The following HHAT variants were observed in gnomAD, a reference collection of about 807,000 sequenced individuals.
HHAT encodes the protein hedgehog acyltransferase, also known as protein-cysteine N-palmitoyltransferase HHAT.
In HHAT, 47 loss-of-function variants were observed where a neutral mutation model predicts 70.8. The observed-to-expected ratio is 0.66, with a 90% CI of 0.53 to 0.85. HHAT has a LOEUF of 0.85. Among genes scored for constraint, HHAT ranks in the 40% least tolerant of loss-of-function variants. HHAT has a pLI of 0.00. For synonymous variants in HHAT, 228 were observed against 247.6 expected, an observed-to-expected ratio of 0.92 and a Z score of 0.74; for missense variants, 609 against 604.8, an observed-to-expected ratio of 1.01 and a Z score of -0.07.
At chr1:210,372,780 G>GT (rs56121731) in intron 3 of HHAT, among the ~76,000 whole-genome samples, 66,176 of 140,076 alleles carry the variant, frequency 0.47, 16,180 homozygotes, top group African/African-American at 0.62. Context: ...CAAGGGAGGT[G>GT]TTTTTTTTTT....
chr1:210,367,300 C>G (rs1389147174), intron 3 of HHAT, among the ~76,000 whole-genome samples: 1 of 152,188 alleles, frequency 6.6e-6, no homozygotes, highest in Non-Finnish European at 1.5e-5. Context: ...GGAGCAGAGT[C>G]AGTGAGTATT....
intron 11 of HHAT, among the ~76,000 whole-genome samples, chr1:210,667,849 T>C (rs1365265976): frequency 2.0e-5 from 3 of 152,214 alleles, no homozygotes; most frequent in Non-Finnish European, 2.9e-5. Context: ...AAATTTACCA[T>C]TTTAACCATT....
intron 7 of HHAT, chr1:210,462,267 C>T (rs1200062024): frequency 6.6e-6 from 1 of 152,194 alleles, no homozygotes. Context: ...TTCCATAGGT[C>T]CATTGATACC....
At chr1:210,415,530 T>TA (rs1287015986) in intron 6 of HHAT, among the ~76,000 whole-genome samples, 1 of 152,202 alleles carries the variant, frequency 6.6e-6, no homozygotes, top group Non-Finnish European at 1.5e-5. Flanking sequence ...CTGTGAACAC[T>TA]AACCAGATGA....
In HHAT at chr1:210,574,776, G is replaced by A. The variant is rs1475601998; in HGVS notation, c.1044-13122G>A. On this transcript the variant is annotated intron_variant, in intron 9 of 11. Transcript: ENST00000261458. ...ACCCAGATGAGGGATGAAATGCTTC[G>A]GGAACCAGCTAGGCATTTCTTTATT... 6.6e-5 allele frequency among the ~76,000 whole-genome samples: 10 copies of A among 152,294 alleles called. No individual in the cohort carries two copies. In the South Asian group the frequency reaches 1.0e-3, roughly 16 times the overall value.
intron 6 of HHAT, among the ~76,000 whole-genome samples, chr1:210,416,223 G>T (rs1247363493): frequency 6.6e-6 from 1 of 152,216 alleles, no homozygotes. Context: ...GGCTGCAGAG[G>T]GTCCCACAGC....
At chr1:210,464,248 C>G (rs1387845895) in intron 7 of HHAT, among the ~76,000 whole-genome samples, 2 of 152,006 alleles carry the variant, frequency 1.3e-5, no homozygotes, top group Non-Finnish European at 2.9e-5. Context: ...TGGGCATTCT[C>G]TTTCCTAGCA....
intron 9 of HHAT, among the ~76,000 whole-genome samples, chr1:210,541,222 G>A (rs553546826): frequency 2.6e-5 from 4 of 152,250 alleles, no homozygotes; most frequent in African/African-American, 7.2e-5. Flanking sequence ...ACTGAGCAAT[G>A]TTTCTGAATG....
At chr1:210,653,372 G>T (rs760383013) in intron 11 of HHAT, among the ~76,000 whole-genome samples, 2 of 151,978 alleles carry the variant, frequency 1.3e-5, no homozygotes, top group African/African-American at 2.4e-5. Context: ...TCATACAAAA[G>T]TTATCTGGAT....
intron 9 of HHAT, among the ~76,000 whole-genome samples, chr1:210,582,983 T>C (rs1040843377): frequency 6.6e-6 from 1 of 152,226 alleles, no homozygotes; most frequent in Non-Finnish European, 1.5e-5. Context: ...GGAGACTGTT[T>C]TGAAGATTTG....
chr1:210,377,688 T>C (rs2090333195), intron 3 of HHAT, among the ~76,000 whole-genome samples: 1 of 152,226 alleles, frequency 6.6e-6, no homozygotes, highest in Admixed American at 6.5e-5. Flanking sequence ...TTAGGTCCTC[T>C]TGATGTAATT....
At chr1:210,404,395 AC>A in intron 5 of HHAT, 68 bp from the exon 6 acceptor site, 1 of 1,236,740 alleles carries the variant, frequency 8.1e-7, no homozygotes, top group Non-Finnish European at 1.2e-6. Flanking sequence ...GCTGGCCAGC[AC>A]CTGCAGTGGG....
intron 7 of HHAT, chr1:210,463,089 A>G (rs1572619366): frequency 6.7e-6 from 1 of 148,188 alleles, no homozygotes; most frequent in South Asian, 2.2e-4. Flanking sequence ...GCTGTGGCAG[A>G]CCCACTGCCT....
In HHAT at chr1:210,555,310, G is replaced by C. The variant is rs1419427478; in HGVS notation, c.1044-32588G>C. Among the ~76,000 whole-genome samples the C allele has an allele frequency of 3.4e-4, 51 of 152,196 alleles. 1 individual carries two copies. Among genetic ancestry groups the C allele is most frequent in the Admixed American group, 3.3e-3 (50 of 15,286 alleles). On this transcript the variant is annotated intron_variant, in intron 9 of 11. Transcript: ENST00000261458. ...CGCTGTGACACCAGGGTGAAGCCCAGATCAGCAGGAAGAGAAAGCGTCAGC... is the reference window on the plus strand; with the variant it reads ...CGCTGTGACACCAGGGTGAAGCCCACATCAGCAGGAAGAGAAAGCGTCAGC...
intron 11 of HHAT, among the ~76,000 whole-genome samples, chr1:210,641,217 T>A (rs2148912265): frequency 6.6e-6 from 1 of 152,314 alleles, no homozygotes; most frequent in Non-Finnish European, 1.5e-5. Context: ...CTTGTCTTCC[T>A]ATTAGTATCT....
chr1:210,549,717 G>A (rs1175002833), intron 9 of HHAT, among the ~76,000 whole-genome samples: 1 of 148,672 alleles, frequency 6.7e-6, no homozygotes, highest in Admixed American at 6.9e-5. Context: ...TAAAGAAGCT[G>A]GGTACAGTGG....
At chr1:210,329,722 A>G (rs1412416851) in intron 1 of HHAT, among the ~76,000 whole-genome samples, 3 of 152,112 alleles carry the variant, frequency 2.0e-5, no homozygotes, top group Admixed American at 2.0e-4. Flanking sequence ...CGTGGGAGTG[A>G]GACATTGCTT....
intron 8 of HHAT, among the ~76,000 whole-genome samples, chr1:210,511,753 A>G (rs2094955484): frequency 7.0e-6 from 1 of 142,844 alleles, no homozygotes; most frequent in Admixed American, 7.1e-5. Context: ...CTGGGGGACT[A>G]TATCATCATG....
At chr1:210,370,377 G>T (rs1299640340) in intron 3 of HHAT, among the ~76,000 whole-genome samples, 1 of 151,638 alleles carries the variant, frequency 6.6e-6, no homozygotes, top group Admixed American at 6.6e-5. Context: ...GTTTCACTAT[G>T]TTGGCCAGGC....
Sources: allele counts gnomAD v4.1 joint callset (sites outside exome capture counted in the v4.1 genomes callset), GRCh38; gene constraint gnomAD v4.1.1; transcripts MANE v1.5; gene names NCBI Gene and HGNC (gene_info 2026-07-23, HGNC 2026-07-21).